Variants in AUTS2 observed in about 807,000 individuals in gnomAD.
AUTS2 encodes the protein autism susceptibility gene 2 protein.
In AUTS2, 17 loss-of-function variants were observed where a neutral mutation model predicts 112.4. The observed-to-expected ratio is 0.15, with a 90% confidence interval of 0.10 to 0.23. The LOEUF is 0.23. Ranked by LOEUF, AUTS2 falls within the 10% of genes least tolerant of loss-of-function variation. The probability of loss-of-function intolerance (pLI) is 1.00; values close to 1 mark genes in which losing one functional copy is unlikely to be tolerated. For missense variants in AUTS2, 1,510 were observed against 1,701.6 expected (o/e 0.89, Z 1.98); for synonymous variants, 751 against 702.7 (o/e 1.07, Z -1.09).
chr7:69,868,267 T>G (rs2129534613), intron 1 of AUTS2, among the ~76,000 whole-genome samples: 1 of 152,290 alleles, frequency 6.6e-6, no homozygotes, highest in East Asian at 1.9e-4. Context: ...AAGAAGATGC[T>G]CCTGATTTTG....
chr7:69,857,175 C>T (rs1410938881), intron 1 of AUTS2, among the ~76,000 whole-genome samples: 2 of 152,200 alleles, frequency 1.3e-5, no homozygotes, highest in Non-Finnish European at 2.9e-5. Flanking sequence ...ACTTAGAGGG[C>T]TCCTCGTCTG....
chr7:69,671,631 G>GT lies in AUTS2; in HGVS notation c.309+71676dup, dbSNP rs536435140. On this transcript the variant is annotated intron_variant, in intron 1 of 18. Coordinates refer to ENST00000342771, the MANE Select transcript of AUTS2 (RefSeq NM_015570.4). ...GTGAAAGTTTGGGATGGATCTCAGG[G>GT]TTTTTTTGGTAATGATGACTGACTG... Among the ~76,000 whole-genome samples the GT allele has an allele frequency of 1.1e-4, 16 of 151,750 alleles. No homozygotes were observed. The East Asian group carries it at 2.5e-3, about 24-fold the overall frequency.
intron 4 of AUTS2, among the ~76,000 whole-genome samples, chr7:70,162,302 C>T (rs1346544927): frequency 3.3e-5 from 5 of 149,926 alleles, no homozygotes; most frequent in Admixed American, 6.6e-5. Flanking sequence ...AAAAATTAGC[C>T]GGGCGTAGTG....
chr7:70,459,272 T>C (rs939736376), intron 5 of AUTS2, among the ~76,000 whole-genome samples: 12 of 152,198 alleles, frequency 7.9e-5, no homozygotes, highest in African/African-American at 2.7e-4. Flanking sequence ...GGGAAAATGA[T>C]GTTTGCTGAC....
intron 1 of AUTS2, among the ~76,000 whole-genome samples, chr7:69,811,849 C>T (rs926195961): frequency 5.9e-5 from 9 of 152,166 alleles, no homozygotes; most frequent in Non-Finnish European, 1.3e-4. Flanking sequence ...ATTCGGAGCC[C>T]CTGGAGGGCA....
chr7:70,334,576 A>G (rs1479857725), intron 4 of AUTS2, among the ~76,000 whole-genome samples: 1 of 152,192 alleles, frequency 6.6e-6, no homozygotes, highest in Admixed American at 6.5e-5. Context: ...GATTGCCTTC[A>G]TCTTGTCTCC....
chr7:70,452,815 C>T (rs545662259), intron 5 of AUTS2, among the ~76,000 whole-genome samples: 1 of 152,122 alleles, frequency 6.6e-6, no homozygotes, highest in African/African-American at 2.4e-5. Context: ...GCGGTGGGCC[C>T]CCAAGGGAAG....
In AUTS2 at chr7:70,693,527, G is replaced by A. The variant is rs368345929; in HGVS notation, c.691-5042G>A. On this transcript the variant is annotated intron_variant, in intron 5 of 18. Transcript: ENST00000342771. ...AAACCGAGCACACTGCGGTCAGTCG[G>A]CTGTGGTGGGGAAGGAGGTTAGGTG... 3.2e-4 allele frequency among the ~76,000 whole-genome samples: 48 copies of A among 152,326 alleles called. No individual in the cohort carries two copies. In the East Asian group the frequency reaches 9.1e-3, roughly 29 times the overall value.
intron 5 of AUTS2, among the ~76,000 whole-genome samples, chr7:70,618,048 G>T (rs929117028): frequency 2.9e-4 from 44 of 152,174 alleles, no homozygotes; most frequent in African/African-American, 9.9e-4. Flanking sequence ...GTTTTATGAG[G>T]AACCTTCGAA....
intron 5 of AUTS2, among the ~76,000 whole-genome samples, chr7:70,497,030 C>CCA (rs1798572775): frequency 5.4e-5 from 6 of 110,884 alleles, no homozygotes; most frequent in South Asian, 3.2e-4. Flanking sequence ...CACACACACC[C>CCA]CACACATGCA....
At chr7:70,423,538 T>G (rs1468248028) in intron 4 of AUTS2, among the ~76,000 whole-genome samples, 1 of 152,198 alleles carries the variant, frequency 6.6e-6, no homozygotes, top group African/African-American at 2.4e-5. Context: ...ACTTACAAAT[T>G]TAAACTCCAA....
intron 2 of AUTS2, among the ~76,000 whole-genome samples, chr7:70,104,500 C>T (rs1804668341): frequency 6.6e-6 from 1 of 152,164 alleles, no homozygotes; most frequent in Non-Finnish European, 1.5e-5. Flanking sequence ...GATCCAAGAC[C>T]TTACTGTGTG....
At chr7:69,685,580 GC>G (rs923791707) in intron 1 of AUTS2, among the ~76,000 whole-genome samples, 2 of 152,268 alleles carry the variant, frequency 1.3e-5, no homozygotes, top group African/African-American at 4.8e-5. Context: ...AGGGAAACAG[GC>G]CTCAAGGATA....
At chr7:69,866,228 T>C (rs1793225388) in intron 1 of AUTS2, among the ~76,000 whole-genome samples, 1 of 152,158 alleles carries the variant, frequency 6.6e-6, no homozygotes, top group Non-Finnish European at 1.5e-5. Flanking sequence ...TGCCCAAAAA[T>C]GAATTCCAAA....
rs571276992 is a variant in AUTS2 at position 70,055,552 on chromosome 7, C to G, written c.523-62580C>G. The stretch of plus-strand genomic sequence containing the variant: ...TACACTCTGTTGTATTGAGAATGCT[C>G]TAAGTCATATGTTACCAACATGCTG... On this transcript the variant is annotated intron_variant, in intron 2 of 18. Transcript: ENST00000342771. 2.0e-5 allele frequency among the ~76,000 whole-genome samples: 3 copies of G among 152,344 alleles called. No individual in the cohort carries two copies. In the East Asian group the frequency reaches 5.8e-4, roughly 29 times the overall value.
intron 1 of AUTS2, among the ~76,000 whole-genome samples, chr7:69,747,579 G>A (rs1274887525): frequency 6.6e-6 from 1 of 152,168 alleles, no homozygotes; most frequent in East Asian, 1.9e-4. Flanking sequence ...TACACATAGG[G>A]AAGTGGCTTA....
chr7:70,384,618 G>T (rs1378467293), intron 4 of AUTS2, among the ~76,000 whole-genome samples: 2 of 152,176 alleles, frequency 1.3e-5, no homozygotes, highest in Admixed American at 6.5e-5. Context: ...AGGGAAAAGA[G>T]CCCTCAGGTT....
At position 70,147,038 on chromosome 7, in the gene AUTS2, C is replaced by A. The variant is rs114977944; in HGVS notation, c.660+12467C>A. On this transcript the variant is annotated intron_variant, in intron 4 of 18. Coordinates refer to ENST00000342771, the MANE Select transcript of AUTS2 (RefSeq NM_015570.4). Reference sequence around the variant, plus strand: ...TCATTTTTGGATACAGTACACATTACCAAGTTGTTACAATGTGGTTATTTA... The same window carrying A: ...TCATTTTTGGATACAGTACACATTAACAAGTTGTTACAATGTGGTTATTTA... Among the ~76,000 whole-genome samples the A allele has an allele frequency of 2.9e-3, 445 of 152,084 alleles. 5 individuals are homozygous for A. The highest frequency in any genetic ancestry group is 0.01 in the African/African-American group (431 of 41,492).
At chr7:70,307,067 T>C (rs940703343) in intron 4 of AUTS2, among the ~76,000 whole-genome samples, 39 of 152,214 alleles carry the variant, frequency 2.6e-4, no homozygotes, top group African/African-American at 9.4e-4. Context: ...AAGTAACAAA[T>C]ATGAATAGAA....
Sources: gnomAD v4.1 joint callset for allele counts (sites outside exome capture counted in the v4.1 genomes callset) on GRCh38, gnomAD v4.1.1 for gene constraint, MANE v1.5 for transcripts, NCBI Gene and HGNC (gene_info 2026-07-23, HGNC 2026-07-21) for gene names.